Variants in B4GALT1 observed in about 807,000 individuals in gnomAD.
B4GALT1 encodes the protein beta-1,4-galactosyltransferase 1.
In B4GALT1, 16 loss-of-function variants were observed where a neutral mutation model predicts 34.9. The observed-to-expected ratio is 0.46, with a 90% CI of 0.31 to 0.70. The LOEUF is 0.70. Among genes scored for constraint, B4GALT1 ranks in the 30% least tolerant of loss-of-function variants. The pLI is 0.05. For missense variants in B4GALT1, 445 were observed against 530.5 expected (o/e 0.84, Z 1.58); for synonymous variants, 221 against 218.1 (o/e 1.01, Z -0.12).
At chr9:33,119,027 A>C (rs1375368745) in intron 3 of B4GALT1, among the ~76,000 whole-genome samples, 1 of 151,932 alleles carries the variant, frequency 6.6e-6, no homozygotes, top group Non-Finnish European at 1.5e-5. Flanking sequence ...ACACCTGGCT[A>C]ATTTTTGTAT....
rs181297570 is a variant in B4GALT1 at position 33,104,921 on chromosome 9, A to G, written c.649-140T>C. ...TGCAACTTCCACCTCTTGGGTTCAA[A>G]CAATTCTCCTGCCTCAGCCTCCTGA... On this transcript the variant is annotated intron_variant, in intron 2 of 2. Coordinates refer to the B4GALT1 transcript ENST00000535206. The G allele has an allele frequency of 4.6e-4, 167 of 363,404 alleles. 1 individual carries two copies. Among genetic ancestry groups the G allele is most frequent in the African/African-American group, 3.2e-3 (149 of 46,478 alleles). The allele number at this position is 363,404 out of a possible 1,614,324, so 22.5% of individuals were successfully genotyped here.
chr9:33,175,015 ATAT>A, the B4GALT1 span, among the ~76,000 whole-genome samples: 4 of 84,978 alleles, frequency 4.7e-5, no homozygotes, highest in Non-Finnish European at 9.9e-5. Flanking sequence ...ATATATATAT[ATAT>A]ATAAAATTGG....
downstream of B4GALT1, among the ~76,000 whole-genome samples, chr9:33,110,440 C>A (rs1255105022): frequency 6.6e-6 from 1 of 152,148 alleles, no homozygotes; most frequent in Non-Finnish European, 1.5e-5. Flanking sequence ...TTACATATAT[C>A]GTCACTTTTA....
intron 1 of B4GALT1, among the ~76,000 whole-genome samples, chr9:33,144,228 T>C (rs1228028025): frequency 6.6e-6 from 1 of 151,616 alleles, no homozygotes; most frequent in Non-Finnish European, 1.5e-5. Flanking sequence ...CTAAGTTCCA[T>C]TTTCTCTTTA....
At chr9:33,140,618 A>G (rs1840335042) in intron 1 of B4GALT1, among the ~76,000 whole-genome samples, 1 of 152,262 alleles carries the variant, frequency 6.6e-6, no homozygotes, top group Non-Finnish European at 1.5e-5. Flanking sequence ...GGCAGTGCCT[A>G]GAACTCTGTG....
chr9:33,127,185 G>T (rs112302957), intron 2 of B4GALT1, among the ~76,000 whole-genome samples: 1 of 152,014 alleles, frequency 6.6e-6, no homozygotes, highest in East Asian at 1.9e-4. Flanking sequence ...GGATGGTCTC[G>T]ATCTCCTGAC....
At chr9:33,152,088 T>C (rs1564051402) in intron 1 of B4GALT1, among the ~76,000 whole-genome samples, 2 of 151,850 alleles carry the variant, frequency 1.3e-5, no homozygotes, top group Non-Finnish European at 2.9e-5. Flanking sequence ...GAGGATCATT[T>C]GAGATCAGGA....
chr9:33,118,898 G>GT (rs11369539), intron 3 of B4GALT1, among the ~76,000 whole-genome samples: 75,212 of 150,988 alleles, frequency 0.5, 19,703 homozygotes, highest in African/African-American at 0.68. Flanking sequence ...GTCTTGCTCT[G>GT]TTGCCCAAGT....
chr9:33,145,591 G>A (rs577393621), intron 1 of B4GALT1, among the ~76,000 whole-genome samples: 1 of 152,186 alleles, frequency 6.6e-6, no homozygotes, highest in East Asian at 1.9e-4. Flanking sequence ...AGAGCTGTGG[G>A]AATTATGTGT....
At chr9:33,118,419 G>A (rs1839971426) in intron 3 of B4GALT1, among the ~76,000 whole-genome samples, 1 of 152,030 alleles carries the variant, frequency 6.6e-6, no homozygotes, top group African/African-American at 2.4e-5. Flanking sequence ...CAGCACTTTG[G>A]GAGGTCAAAG....
Position 33,105,492 on chromosome 9 carries a change from G to A in B4GALT1, c.649-711C>T, listed in dbSNP as rs527982467. On this transcript the variant is annotated intron_variant, in intron 2 of 2. Transcript: ENST00000535206. ...GGTAGCAACTGAAAAGTCAGTCATC[G>A]GGGGCAGAGTGCCAATGTAAAGTTC... is the stretch of plus-strand genomic sequence containing the variant. Among the ~76,000 whole-genome samples the A allele has an allele frequency of 3.9e-5, 6 of 152,194 alleles. No homozygotes were observed. The South Asian group carries it at 6.2e-4, about 16-fold the overall frequency.
intron 1 of B4GALT1, among the ~76,000 whole-genome samples, chr9:33,153,866 T>G (rs977682145): frequency 6.6e-6 from 1 of 151,702 alleles, no homozygotes; most frequent in Non-Finnish European, 1.5e-5. Flanking sequence ...TGAGGCAGTA[T>G]TACCCTGATA....
At chr9:33,175,005 ATATATATATATATAT>A in the B4GALT1 span, among the ~76,000 whole-genome samples, 1 of 66,916 alleles carries the variant, frequency 1.5e-5, no homozygotes, top group South Asian at 5.5e-4. Flanking sequence ...ATATATATAT[ATATATATATATATAT>A]AAAATTGGAG....
intron 2 of B4GALT1, among the ~76,000 whole-genome samples, chr9:33,130,142 G>C (rs1384810292): frequency 6.6e-6 from 1 of 152,200 alleles, no homozygotes; most frequent in Non-Finnish European, 1.5e-5. Context: ...CCATGGTTGT[G>C]ACAAACCCAC....
At chr9:33,144,659 T>G (rs116107165) in intron 1 of B4GALT1, among the ~76,000 whole-genome samples, 1 of 152,232 alleles carries the variant, frequency 6.6e-6, no homozygotes, top group Admixed American at 6.5e-5. Context: ...TCAAACCAAA[T>G]GTCATCCCCT....
the B4GALT1 span, among the ~76,000 whole-genome samples, chr9:33,176,546 C>A: frequency 6.6e-6 from 1 of 152,106 alleles, no homozygotes; most frequent in African/African-American, 2.4e-5. Flanking sequence ...AAAATTATGT[C>A]CTTTGCAGCA....
At chr9:33,166,688 T>G (rs1039217141) in intron 1 of B4GALT1, 70 bp downstream of exon 1, 1 of 1,431,338 alleles carries the variant, frequency 7.0e-7, no homozygotes, top group Non-Finnish European at 9.2e-7. Flanking sequence ...TGAGGGAATG[T>G]CTGGGGGACC....
intron 1 of B4GALT1, among the ~76,000 whole-genome samples, chr9:33,159,378 C>T (rs965682818): frequency 8.5e-5 from 13 of 152,202 alleles, no homozygotes; most frequent in South Asian, 4.1e-4. Context: ...ACACTGTATC[C>T]GTCACACTGC....
Position 33,143,974 on chromosome 9 carries a change from G to T in B4GALT1, c.413-8550C>A, listed in dbSNP as rs544137196. On this transcript the variant is annotated intron_variant, in intron 1 of 5. Coordinates refer to ENST00000379731, the MANE Select transcript of B4GALT1 (RefSeq NM_001497.4). ...TGCAGCCTCAAACTGCTGGGCCCAA[G>T]CGATCCTCCTGGGCTGTGGTCTCGG... Among the ~76,000 whole-genome samples, 92 of 151,584 alleles carry T rather than the reference G, an allele frequency of 6.1e-4. 1 individual carries two copies. Among genetic ancestry groups the T allele is most frequent in the African/African-American group, 2.1e-3 (85 of 41,310 alleles).
Sources: allele counts gnomAD v4.1 joint callset (sites outside exome capture counted in the v4.1 genomes callset), GRCh38; gene constraint gnomAD v4.1.1; transcripts MANE v1.5; gene names NCBI Gene and HGNC (gene_info 2026-07-23, HGNC 2026-07-21).